The following SLC14A1 variants were observed in gnomAD, a reference collection of about 807,000 sequenced individuals.
SLC14A1 encodes the protein solute carrier family 14 member 1 (Kidd blood group), also known as urea transporter 1.
A neutral mutation model predicts 39.6 loss-of-function variants in SLC14A1; 36 were observed. The observed-to-expected ratio is 0.91, with a 90% CI of 0.70 to 1.20. The LOEUF (loss-of-function observed/expected upper bound fraction) is 1.20. Ranked by LOEUF, SLC14A1 falls within the 50% of genes most tolerant of loss-of-function variation. SLC14A1 has a pLI of 0.00. For missense variants in SLC14A1, 469 were observed against 478.7 expected (o/e 0.98, Z 0.19); for synonymous variants, 164 against 173.6 (o/e 0.94, Z 0.43).
At chr18:45,748,043 C>T (rs2047598127) in intron 8 of SLC14A1, among the ~76,000 whole-genome samples, 1 of 152,170 alleles carries the variant, frequency 6.6e-6, no homozygotes, top group African/African-American at 2.4e-5. Context: ...TTAGCAATAA[C>T]AACAAAATAG....
Position 45,734,283 on chromosome 18 carries a change from A to G in SLC14A1, c.351A>G (p.Ile117Met), listed in dbSNP as rs1460441075. ...ALLLSQDRSL[I>M]ASGLYGYNAT... ...GTCTCTTGCCCCACAGGTCATTAAT[A>G]GCATCTGGGCTCTATGGCTACAATG... The change falls in exon 5 of 10, where the codon ATA becomes ATG. Residue 117 changes from isoleucine to methionine, a missense_variant. By Grantham distance (10) the Ile-to-Met change is conservative (BLOSUM62 1). Transcript: ENST00000321925. The G allele has an allele frequency of 3.1e-6, 5 of 1,614,094 alleles. No homozygotes were observed. Among genetic ancestry groups the G allele is most frequent in the Non-Finnish European group, 4.2e-6 (5 of 1,179,974 alleles).
intron 8 of SLC14A1, among the ~76,000 whole-genome samples, chr18:45,747,704 TA>T (rs1248399287): frequency 2.0e-5 from 3 of 151,594 alleles, no homozygotes; most frequent in Non-Finnish European, 4.4e-5. Context: ...CCAAAAAAAA[TA>T]AAAAATAAAA....
At position 45,750,183 on chromosome 18, in the gene SLC14A1, A is replaced by G. The variant is rs17675966; in HGVS notation, c.*232A>G. The G allele has an allele frequency of 0.012, 17,065 of 1,419,410 alleles. 134 individuals carry two copies. Among genetic ancestry groups the G allele is most frequent in the Non-Finnish European group, 0.014 (14,872 of 1,091,046 alleles). 87.9% of individuals were successfully genotyped at this position (1,419,410 alleles called of 1,614,324 possible). A position where few individuals can be genotyped will look rare whatever the true frequency, so the allele number is the denominator to read the frequency against. On this transcript the variant is annotated 3_prime_UTR_variant, in exon 10 of 10. Transcript: ENST00000321925. ...CTCTGGTATGGAATTTGAAACCCCA[A>G]TGGGGCCTTGGCACTAAGACTGGAA...
chr18:45,740,726 T>TG (rs1298531714), intron 8 of SLC14A1, among the ~76,000 whole-genome samples: 2 of 151,928 alleles, frequency 1.3e-5, no homozygotes, highest in Non-Finnish European at 2.9e-5. Context: ...TTTATAGAGA[T>TG]GGGGTCTCCC....
intron 8 of SLC14A1, among the ~76,000 whole-genome samples, chr18:45,745,041 G>A (rs996569978): frequency 5.3e-5 from 8 of 152,186 alleles, no homozygotes; most frequent in Non-Finnish European, 8.8e-5. Flanking sequence ...TCAAGAGATT[G>A]AGACCATCCT....
intron 8 of SLC14A1, chr18:45,746,995 A>C (rs2047562520): frequency 6.6e-6 from 1 of 152,262 alleles, no homozygotes; most frequent in South Asian, 2.1e-4. Flanking sequence ...TATACTATTG[A>C]ATAAGAAACA....
At chr18:45,731,331 T>A in intron 4 of SLC14A1, 127 bp downstream of exon 4, 1 of 923,940 alleles carries the variant, frequency 1.1e-6, no homozygotes, top group Non-Finnish European at 1.7e-6. Context: ...CAGAACTGTT[T>A]ATATTTGTTT....
At chr18:45,731,524 AT>A (rs2047029628) in intron 4 of SLC14A1, 1 of 375,992 alleles carries the variant, frequency 2.7e-6, no homozygotes, top group South Asian at 2.4e-5. Context: ...TGTCGTCAGC[AT>A]TCTATTTGGG....
chr18:45,739,038 A>T, intron 6 of SLC14A1, 125 bp from the exon 7 acceptor site: 1 of 1,012,248 alleles, frequency 9.9e-7, no homozygotes, highest in Non-Finnish European at 1.6e-6. Context: ...AAATGGTATT[A>T]ACACTGTTCT....
rs2046984918 is a variant in SLC14A1, at chr18:45,730,149, AG to A, written c.-21-150del. ...CTGTGGGATTTGGGTTTGGCTAATA[AG>A]CTCTGTGGTGGTGTTTCAGAAGGAA... On this transcript the variant is annotated intron_variant, in intron 2 of 9. Transcript: ENST00000321925. The A allele has an allele frequency of 2.8e-5, 21 of 738,898 alleles. No individual in the cohort carries two copies. In the South Asian group the frequency reaches 5.4e-4, roughly 19 times the overall value. 45.8% of individuals were successfully genotyped at this position (738,898 alleles called of 1,614,324 possible).
In SLC14A1 at chr18:45,751,813, T is replaced by C. The variant is rs1000638627; in HGVS notation, c.*1862T>C. The C allele has an allele frequency of 5.6e-5, 53 of 942,588 alleles. No homozygotes were observed. The Middle Eastern group carries it at 1.6e-3, about 29-fold the overall frequency. The allele number at this position is 942,588 out of a possible 1,614,324, so 58.4% of individuals were successfully genotyped here. On this transcript the variant is annotated 3_prime_UTR_variant, in exon 10 of 10. Transcript: ENST00000321925. ...ATTAATTAATTAATTAATTAATTAATTTAAAAAGGAAGTCATGTTCATTTA... is the reference window on the plus strand; with the variant it reads ...ATTAATTAATTAATTAATTAATTAACTTAAAAAGGAAGTCATGTTCATTTA...
At chr18:45,746,860 G>A (rs1228099530) in intron 8 of SLC14A1, among the ~76,000 whole-genome samples, 2 of 152,184 alleles carry the variant, frequency 1.3e-5, no homozygotes, top group Non-Finnish European at 2.9e-5. Context: ...GATGAAACTA[G>A]ATTCCAAGAC....
In SLC14A1 at chr18:45,750,044, G is replaced by T. The variant is rs1210998411; in HGVS notation, c.*93G>T. ...GTCTCAGCAAACTGCTGTTTTTCAC[G>T]AGTATCAACTTTCATACTGACGCGT... On this transcript the variant is annotated 3_prime_UTR_variant, in exon 10 of 10. Coordinates refer to ENST00000321925, the MANE Select transcript of SLC14A1 (RefSeq NM_015865.7). The T allele has an allele frequency of 6.2e-7, 1 of 1,609,910 alleles. No homozygotes were observed. The highest frequency in any genetic ancestry group is 1.3e-5 in the African/African-American group (1 of 74,852).
At chr18:45,727,087 G>C in intron 2 of SLC14A1, 1 of 584,310 alleles carries the variant, frequency 1.7e-6, no homozygotes, top group South Asian at 2.2e-5. Flanking sequence ...GCTCTTTGGT[G>C]AAGGCAAAGT....
Position 45,751,232 on chromosome 18 carries a change from T to C in SLC14A1, c.*1281T>C. The C allele has an allele frequency of 2.4e-6, 1 of 423,414 alleles. No individual in the cohort carries two copies. The highest frequency in any genetic ancestry group is 3.1e-6 in the Non-Finnish European group (1 of 318,270). 26.2% of individuals were successfully genotyped at this position (423,414 alleles called of 1,614,324 possible). On this transcript the variant is annotated 3_prime_UTR_variant, in exon 10 of 10. Coordinates refer to ENST00000321925, the MANE Select transcript of SLC14A1 (RefSeq NM_015865.7). ...GTGGGTGCCTGTAGTTCCAGCTACT[T>C]GGGAGGCTGAGGTGGGAAAATGACT... is the stretch of plus-strand genomic sequence containing the variant.
intron 9 of SLC14A1, 43 bp from the exon 10 acceptor site, chr18:45,749,735 G>A (rs1445159920): frequency 1.2e-6 from 2 of 1,612,872 alleles, no homozygotes; most frequent in East Asian, 2.2e-5. Flanking sequence ...TCAGCTGTCA[G>A]ATGGGATCTG....
In SLC14A1 at chr18:45,751,402, G is replaced by T. The variant is rs2047706021; in HGVS notation, c.*1451G>T. ...AACAAAACAAAACAAAACAAAACAG[G>T]TAAGGATTCCCCTGTTTTCCTCTCT... is the stretch of plus-strand genomic sequence containing the variant. On this transcript the variant is annotated 3_prime_UTR_variant, in exon 10 of 10. Transcript: ENST00000321925. 1.1e-6 allele frequency: 1 copy of T among 914,920 alleles called. No individual in the cohort carries two copies. The highest frequency in any genetic ancestry group is 6.6e-5 in the Admixed American group (1 of 15,044). 56.7% of individuals were successfully genotyped at this position (914,920 alleles called of 1,614,324 possible).
chr18:45,727,298 C>G (rs1245066961), intron 2 of SLC14A1: 2 of 1,551,576 alleles, frequency 1.3e-6, no homozygotes, highest in Non-Finnish European at 1.7e-6. Flanking sequence ...TGATTGGCGG[C>G]GCTGGTGACG....
chr18:45,738,060 A>G (rs2047249852), intron 6 of SLC14A1, among the ~76,000 whole-genome samples: 1 of 152,262 alleles, frequency 6.6e-6, no homozygotes, highest in South Asian at 2.1e-4. Flanking sequence ...CAAAATGTCT[A>G]GACATGAAGA....
Sources: allele counts gnomAD v4.1 joint callset (sites outside exome capture counted in the v4.1 genomes callset), GRCh38; gene constraint gnomAD v4.1.1; transcripts MANE v1.5; gene names NCBI Gene and HGNC (gene_info 2026-07-23, HGNC 2026-07-21).